Variants in ITSN1 observed in about 807,000 individuals in gnomAD.
ITSN1 encodes intersectin-1.
ITSN1 carries 58 observed loss-of-function variants against 239.8 expected under a neutral mutation model. The observed-to-expected ratio is 0.24, with a 90% CI of 0.20 to 0.30. The LOEUF (loss-of-function observed/expected upper bound fraction) is 0.30. Among genes scored for constraint, ITSN1 ranks in the 10% least tolerant of loss-of-function variants. The pLI is 1.00. For missense variants in ITSN1, 1,558 were observed against 2,103.3 expected (o/e 0.74, Z 5.07); for synonymous variants, 780 against 770.8 (o/e 1.01, Z -0.20).
chr21:33,846,918 G>A (rs984182486), intron 29 of ITSN1, among the ~76,000 whole-genome samples: 4 of 152,176 alleles, frequency 2.6e-5, no homozygotes, highest in African/African-American at 7.2e-5. Context: ...GTTCTTCATC[G>A]TTCTTATAAC....
intron 31 of ITSN1, among the ~76,000 whole-genome samples, chr21:33,862,163 A>T (rs1980721501): frequency 2.3e-5 from 1 of 43,696 alleles, no homozygotes. Context: ...AGACTGTGTC[A>T]CAAAAAAAAA....
intron 20 of ITSN1, among the ~76,000 whole-genome samples, chr21:33,808,073 G>A (rs540014873): frequency 6.6e-6 from 1 of 152,132 alleles, no homozygotes; most frequent in South Asian, 2.1e-4. Flanking sequence ...TGTAGTCCCA[G>A]CTACTCGGGA....
At chr21:33,677,531 G>C (rs1199194803) in intron 1 of ITSN1, among the ~76,000 whole-genome samples, 2 of 151,918 alleles carry the variant, frequency 1.3e-5, no homozygotes, top group African/African-American at 2.4e-5. Flanking sequence ...GTAGAGACAG[G>C]GTTTCGCCCT....
At chr21:33,724,836 G>A (rs902259569) in intron 4 of ITSN1, among the ~76,000 whole-genome samples, 2 of 151,850 alleles carry the variant, frequency 1.3e-5, no homozygotes, top group Admixed American at 1.3e-4. Flanking sequence ...TCTGTTTTTT[G>A]TAAAGGTGGG....
intron 28 of ITSN1, among the ~76,000 whole-genome samples, chr21:33,835,514 A>G (rs1355620063): frequency 6.6e-6 from 1 of 152,254 alleles, no homozygotes; most frequent in Non-Finnish European, 1.5e-5. Flanking sequence ...AAGAATGAGA[A>G]CAATTTTACC....
chr21:33,697,234 A>ATTTTTTTTTTTTTTTTT (rs11419453), intron 1 of ITSN1, among the ~76,000 whole-genome samples: 3 of 121,708 alleles, frequency 2.5e-5, no homozygotes, highest in Non-Finnish European at 4.9e-5. Context: ...CACCTGGCTA[A>ATTTTTTTTTTTTTTTTT]TTTTTTTTTT....
intron 2 of ITSN1, among the ~76,000 whole-genome samples, chr21:33,720,945 G>A (rs915701935): frequency 3.3e-5 from 5 of 152,120 alleles, no homozygotes; most frequent in African/African-American, 1.2e-4. Flanking sequence ...AGGAATGTGT[G>A]CCTCTTCTTT....
In ITSN1 at chr21:33,892,727, G is replaced by A. The variant is rs1175590064; in HGVS notation, c.*4427G>A. The A allele has an allele frequency of 6.6e-6, 1 of 152,228 alleles. No homozygotes were observed. Among genetic ancestry groups the A allele is most frequent in the Non-Finnish European group, 1.5e-5 (1 of 68,068 alleles). 9.4% of individuals were successfully genotyped at this position (152,228 alleles called of 1,614,324 possible). A position where few individuals can be genotyped will look rare whatever the true frequency, so the allele number is the denominator to read the frequency against. ...ACGTAGACACTCAGTTCATTTTAGG[G>A]ACGTTCAATGCTTGATCAAATGGGG... On this transcript the variant is annotated 3_prime_UTR_variant, in exon 40 of 40. Transcript: ENST00000381318.
intron 33 of ITSN1, among the ~76,000 whole-genome samples, chr21:33,874,399 C>T (rs1259550424): frequency 6.6e-6 from 1 of 152,102 alleles, no homozygotes; most frequent in Admixed American, 6.5e-5. Flanking sequence ...CCTCTTATGC[C>T]CCAGGCTGCA....
At chr21:33,754,640 C>T (rs1337088117) in intron 7 of ITSN1, among the ~76,000 whole-genome samples, 4 of 152,150 alleles carry the variant, frequency 2.6e-5, no homozygotes, top group African/African-American at 9.6e-5. Flanking sequence ...TGTCCTTGGG[C>T]CAGCTCAGGA....
chr21:33,672,249 A>G (rs1006148552), intron 1 of ITSN1, among the ~76,000 whole-genome samples: 1 of 152,154 alleles, frequency 6.6e-6, no homozygotes, highest in African/African-American at 2.4e-5. Context: ...TCTTGATGCT[A>G]CTTAATTTTA....
Position 33,885,463 on chromosome 21 carries a change from T to C in ITSN1, c.4784T>C (p.Ile1595Thr). ...YLVRSQRATG[I>T]GRLMVNVVEG... Reference sequence around the variant, plus strand: ...GTCCGTTCCCAAAGGGCAACAGGCATTGGAAGGTTGATGGTGAACGTGGTT... The same window carrying C: ...GTCCGTTCCCAAAGGGCAACAGGCACTGGAAGGTTGATGGTGAACGTGGTT... Residue 1595 changes from isoleucine to threonine, a missense_variant, in exon 38 of 40, where the codon ATT (isoleucine) becomes ACT (threonine). Physicochemically the swap from Ile to Thr is moderately conservative, Grantham distance 89. Transcript: ENST00000381318. The C allele has an allele frequency of 6.2e-7, 1 of 1,614,102 alleles. No individual in the cohort carries two copies. Among genetic ancestry groups the C allele is most frequent in the Non-Finnish European group, 8.5e-7 (1 of 1,180,022 alleles).
chr21:33,684,845 A>G (rs1461977686), intron 1 of ITSN1, among the ~76,000 whole-genome samples: 2 of 152,212 alleles, frequency 1.3e-5, no homozygotes, highest in Non-Finnish European at 2.9e-5. Flanking sequence ...AAAGAATTTA[A>G]GAGATTAAAT....
chr21:33,774,162 T>G (rs1429263756), intron 12 of ITSN1, among the ~76,000 whole-genome samples: 1 of 152,194 alleles, frequency 6.6e-6, no homozygotes, highest in African/African-American at 2.4e-5. Flanking sequence ...CAGAGGCAAT[T>G]CCCATAGACT....
rs1472833810 is a variant in ITSN1 at position 33,726,930 on chromosome 21, A to T, written c.185+4279A>T. ...TCAAATATTTGAGTGATACGAACTG[A>T]TGGACAGTATATGTTAGAAACCTTT... is the stretch of plus-strand genomic sequence containing the variant. On this transcript the variant is annotated intron_variant, in intron 4 of 39. Coordinates refer to ENST00000381318, the MANE Select transcript of ITSN1 (RefSeq NM_003024.3). 2.6e-5 allele frequency among the ~76,000 whole-genome samples: 4 copies of T among 152,218 alleles called. No homozygotes were observed. The East Asian group carries it at 7.7e-4, about 29-fold the overall frequency.
At chr21:33,685,438 G>A (rs552933606) in intron 1 of ITSN1, among the ~76,000 whole-genome samples, 13 of 151,976 alleles carry the variant, frequency 8.6e-5, no homozygotes, top group African/African-American at 2.9e-4. Context: ...ATTTCACCAA[G>A]AGTTGGCCTT....
chr21:33,774,885 G>A lies in ITSN1; in HGVS notation c.1455+7G>A. ...ATTTGAATTAGAAGCTCTAGTGAGT[G>A]AAGTTTGGTTATACTTTGAAAATAT... On this transcript the variant is annotated splice_region_variant and intron_variant, in intron 13 of 39. Transcript: ENST00000381318. 1 of 1,609,138 alleles carries A rather than the reference G, an allele frequency of 6.2e-7. No individual in the cohort carries two copies. The highest frequency in any genetic ancestry group is 1.1e-5 in the South Asian group (1 of 89,688).
chr21:33,787,962 T>C (rs1441393147), intron 16 of ITSN1, among the ~76,000 whole-genome samples: 4 of 152,308 alleles, frequency 2.6e-5, no homozygotes, highest in African/African-American at 9.6e-5. Context: ...AGTAGGCTGC[T>C]TGGTTGAGTT....
chr21:33,829,203 A>G (rs2074147295), intron 26 of ITSN1: 2 of 364,288 alleles, frequency 5.5e-6, no homozygotes, highest in Non-Finnish European at 1.1e-5. Flanking sequence ...TGAGTCCTTT[A>G]GTCACTTCAA....
Sources: gnomAD v4.1 joint callset for allele counts (sites outside exome capture counted in the v4.1 genomes callset) on GRCh38, gnomAD v4.1.1 for gene constraint, MANE v1.5 for transcripts, NCBI Gene and HGNC (gene_info 2026-07-23, HGNC 2026-07-21) for gene names.